TMEM117: variants seen among roughly 807,000 people sequenced by gnomAD.
TMEM117 encodes the protein transmembrane protein 117.
In TMEM117, 27 loss-of-function variants were observed where a neutral mutation model predicts 52.4. The ratio of observed to expected loss-of-function variants is 0.51; its 90% CI spans 0.38 to 0.71. TMEM117 has a LOEUF of 0.71. Ranked by LOEUF, TMEM117 falls within the 30% of genes least tolerant of loss-of-function variation. The pLI is 0.00. For synonymous variants in TMEM117, 215 were observed against 206.3 expected, an observed-to-expected ratio of 1.04 and a Z score of -0.36; for missense variants, 556 against 630.5, an observed-to-expected ratio of 0.88 and a Z score of 1.26.
At position 44,389,014 on chromosome 12, in the gene TMEM117, G is replaced by T; in HGVS notation, c.*342G>T. On this transcript the variant is annotated 3_prime_UTR_variant, in exon 8 of 8. Coordinates refer to ENST00000266534, the MANE Select transcript of TMEM117 (RefSeq NM_032256.3). ...CATTAAACTGTTTTTAACTGTACCA[G>T]AAATGAAGTGTGGAACAGTTACCTA... 4.6e-6 allele frequency: 1 copy of T among 219,768 alleles called. No individual in the cohort carries two copies. Among genetic ancestry groups the T allele is most frequent in the Non-Finnish European group, 9.2e-6 (1 of 108,876 alleles). The allele number at this position is 219,768 out of a possible 1,614,324, so 13.6% of individuals were successfully genotyped here. A position where few individuals can be genotyped will look rare whatever the true frequency, so the allele number is the denominator to read the frequency against.
chr12:44,183,009 A>G (rs992299725), intron 4 of TMEM117, among the ~76,000 whole-genome samples: 1 of 152,168 alleles, frequency 6.6e-6, no homozygotes, highest in African/African-American at 2.4e-5. Flanking sequence ...CATTATAATC[A>G]TTTATAAGCA....
At chr12:44,117,985 C>G (rs1003028790) in intron 3 of TMEM117, among the ~76,000 whole-genome samples, 1 of 151,656 alleles carries the variant, frequency 6.6e-6, no homozygotes, top group Admixed American at 6.6e-5. Context: ...TTAATATCAT[C>G]TATCTAAATC....
intron 3 of TMEM117, among the ~76,000 whole-genome samples, chr12:44,107,154 C>A (rs1454588091): frequency 6.6e-6 from 1 of 151,894 alleles, no homozygotes; most frequent in African/African-American, 2.4e-5. Flanking sequence ...TCAAAATAAC[C>A]TTATATATAA....
At chr12:44,248,776 G>T in intron 5 of TMEM117, 1 of 173,092 alleles carries the variant, frequency 5.8e-6, no homozygotes. Context: ...CACCAGGCTT[G>T]GATCTTGATG....
At chr12:43,905,403 G>A (rs1042674339) in intron 2 of TMEM117, among the ~76,000 whole-genome samples, 4 of 152,186 alleles carry the variant, frequency 2.6e-5, no homozygotes, top group Non-Finnish European at 4.4e-5. Context: ...GATGGGGAGT[G>A]GGGACCAGAA....
chr12:44,374,590 C>G (rs1951912795), intron 6 of TMEM117, among the ~76,000 whole-genome samples: 1 of 150,438 alleles, frequency 6.6e-6, no homozygotes, highest in South Asian at 2.1e-4. Context: ...TGTGAAAGTA[C>G]AGGTGGGAAA....
rs367869854 is a variant in TMEM117, at chr12:44,236,287, A to G, written c.608+24900A>G. ...ATTAAGCCTTCTTTGTGTATGCCCT[A>G]TTCTCTGACACTCTCCTTTGATTTC... On this transcript the variant is annotated intron_variant, in intron 5 of 7. Coordinates refer to ENST00000266534, the MANE Select transcript of TMEM117 (RefSeq NM_032256.3). 1.2e-3 allele frequency among the ~76,000 whole-genome samples: 177 copies of G among 151,756 alleles called. 6 individuals carry two copies. In the South Asian group the frequency reaches 0.035, roughly 30 times the overall value.
At chr12:44,149,658 A>G (rs1305207414) in intron 4 of TMEM117, among the ~76,000 whole-genome samples, 1 of 152,210 alleles carries the variant, frequency 6.6e-6, no homozygotes, top group East Asian at 1.9e-4. Flanking sequence ...TATTTTGTGG[A>G]CTATTTCACA....
intron 7 of TMEM117, among the ~76,000 whole-genome samples, chr12:44,382,301 C>T (rs1159684247): frequency 1.3e-5 from 2 of 151,990 alleles, no homozygotes; most frequent in African/African-American, 2.4e-5. Flanking sequence ...AGGAAGGACT[C>T]GAAATATATA....
chr12:44,327,316 T>A (rs1040502409), intron 6 of TMEM117, among the ~76,000 whole-genome samples: 1 of 152,172 alleles, frequency 6.6e-6, no homozygotes, highest in African/African-American at 2.4e-5. Flanking sequence ...AATACAGTGT[T>A]TAGGAGGATA....
At chr12:43,795,963 GTTCT>G in the TMEM117 span, among the ~76,000 whole-genome samples, 2 of 152,024 alleles carry the variant, frequency 1.3e-5, no homozygotes, top group East Asian at 1.9e-4. Context: ...TTCCTTCTTG[GTTCT>G]TTCTTAGTGC....
At chr12:44,055,901 A>T (rs1161760722) in intron 3 of TMEM117, among the ~76,000 whole-genome samples, 1 of 152,148 alleles carries the variant, frequency 6.6e-6, no homozygotes, top group East Asian at 1.9e-4. Flanking sequence ...TCTACCAACA[A>T]TTATATAAAC....
chr12:44,251,509 T>C (rs1173714709), intron 5 of TMEM117, among the ~76,000 whole-genome samples: 1 of 152,216 alleles, frequency 6.6e-6, no homozygotes, highest in Non-Finnish European at 1.5e-5. Context: ...TCATCTGTGA[T>C]AGTAACATGA....
chr12:44,116,600 T>C (rs1371810932), intron 3 of TMEM117, among the ~76,000 whole-genome samples: 1 of 152,246 alleles, frequency 6.6e-6, no homozygotes, highest in African/African-American at 2.4e-5. Flanking sequence ...TTACTGGGCA[T>C]GTCCTTGTGT....
intron 3 of TMEM117, among the ~76,000 whole-genome samples, chr12:44,018,422 A>C (rs1278515016): frequency 6.6e-6 from 1 of 152,224 alleles, no homozygotes; most frequent in Non-Finnish European, 1.5e-5. Context: ...TGCAATAAAA[A>C]CATGTAAAAT....
At chr12:44,173,579 T>A (rs928203091) in intron 4 of TMEM117, among the ~76,000 whole-genome samples, 3 of 151,550 alleles carry the variant, frequency 2.0e-5, no homozygotes, top group African/African-American at 7.3e-5. Context: ...TTTGACATTT[T>A]TTTATTCTTT....
At chr12:44,251,727 C>A (rs745422308) in intron 5 of TMEM117, among the ~76,000 whole-genome samples, 1 of 152,162 alleles carries the variant, frequency 6.6e-6, no homozygotes, top group Non-Finnish European at 1.5e-5. Context: ...TAACTCTATA[C>A]CCTGGGTGGT....
chr12:43,832,243 T>C (rs1942987127), upstream of TMEM117, among the ~76,000 whole-genome samples: 1 of 152,226 alleles, frequency 6.6e-6, no homozygotes, highest in Admixed American at 6.5e-5. Context: ...CAATTGATTT[T>C]GACCTAGAGG....
At chr12:44,363,717 A>G (rs183374279) in intron 6 of TMEM117, among the ~76,000 whole-genome samples, 1 of 152,186 alleles carries the variant, frequency 6.6e-6, no homozygotes, top group African/African-American at 2.4e-5. Flanking sequence ...TTTTGTTCTA[A>G]AAGAAGAGAT....
Sources: gnomAD v4.1 joint callset for allele counts (sites outside exome capture counted in the v4.1 genomes callset) on GRCh38, gnomAD v4.1.1 for gene constraint, MANE v1.5 for transcripts, NCBI Gene and HGNC (gene_info 2026-07-23, HGNC 2026-07-21) for gene names.